Variants in CNTNAP2 observed in about 807,000 individuals in gnomAD.
CNTNAP2 encodes the protein contactin associated protein 2, also known as contactin-associated protein-like 2.
CNTNAP2 carries 98 observed loss-of-function variants against 155.2 expected under a neutral mutation model. The observed-to-expected ratio is 0.63, with a 90% confidence interval of 0.54 to 0.75. The LOEUF is 0.75. Among genes scored for constraint, CNTNAP2 ranks in the 30% least tolerant of loss-of-function variants. CNTNAP2 has a pLI of 0.00. For missense variants in CNTNAP2, 1,727 were observed against 1,688.1 expected (o/e 1.02, Z -0.40); for synonymous variants, 651 against 631.2 (o/e 1.03, Z -0.47).
rs112808877 is a variant in CNTNAP2, at chr7:147,504,688, T to TA, written c.1777+18660dup. Among the ~76,000 whole-genome samples the TA allele has an allele frequency of 2.5e-3, 265 of 104,734 alleles. 1 individual carries two copies. Among genetic ancestry groups the TA allele is most frequent in the Non-Finnish European group, 3.2e-3 (140 of 43,582 alleles). 68.7% of individuals were successfully genotyped at this position (104,734 alleles called of 152,430 possible). On this transcript the variant is annotated intron_variant, in intron 11 of 23. Coordinates refer to ENST00000361727, the MANE Select transcript of CNTNAP2 (RefSeq NM_014141.6). ...TGGGCGACAGAATGAGATTCTGTCT[T>TA]AAAAAAAAAAAAACAAAAAACCTCT... is the stretch of plus-strand genomic sequence containing the variant.
intron 3 of CNTNAP2, among the ~76,000 whole-genome samples, chr7:146,882,877 T>A (rs1001063016): frequency 6.6e-6 from 1 of 152,074 alleles, no homozygotes; most frequent in Admixed American, 6.6e-5. Context: ...AGCTGAAGAA[T>A]CTCCACAAGG....
At chr7:146,632,109 G>A (rs767056943) in intron 1 of CNTNAP2, among the ~76,000 whole-genome samples, 14 of 152,246 alleles carry the variant, frequency 9.2e-5, no homozygotes, top group South Asian at 4.1e-4. Flanking sequence ...GTCACTATGC[G>A]TCTGTATGCT....
At chr7:147,629,047 G>A (rs1461063999) in intron 12 of CNTNAP2, among the ~76,000 whole-genome samples, 2 of 151,924 alleles carry the variant, frequency 1.3e-5, no homozygotes, top group African/African-American at 2.4e-5. Flanking sequence ...AATAGTGGGG[G>A]GGCTTCAATA....
At chr7:146,156,612 AT>A (rs141066684) in intron 1 of CNTNAP2, among the ~76,000 whole-genome samples, 10 of 151,498 alleles carry the variant, frequency 6.6e-5, no homozygotes, top group East Asian at 3.9e-4. Context: ...GCTTTACAGC[AT>A]TTTTTTTTAA....
At chr7:147,289,404 T>C (rs975614207) in intron 8 of CNTNAP2, among the ~76,000 whole-genome samples, 7 of 132,124 alleles carry the variant, frequency 5.3e-5, no homozygotes, top group Admixed American at 4.5e-4. Context: ...AATCAAATAC[T>C]AAAAAAAAAA....
At chr7:148,180,088 A>T (rs1035974718) in intron 18 of CNTNAP2, among the ~76,000 whole-genome samples, 2 of 152,252 alleles carry the variant, frequency 1.3e-5, no homozygotes, top group African/African-American at 4.8e-5. Flanking sequence ...GGAAGTATGC[A>T]TCTTAGAATT....
chr7:147,006,640 C>T (rs1435518094), intron 3 of CNTNAP2, among the ~76,000 whole-genome samples: 1 of 152,018 alleles, frequency 6.6e-6, no homozygotes, highest in African/African-American at 2.4e-5. Context: ...TTTCTCTAAA[C>T]TAAATCTTTT....
At chr7:147,074,797 T>G (rs1227826330) in intron 4 of CNTNAP2, among the ~76,000 whole-genome samples, 1 of 152,180 alleles carries the variant, frequency 6.6e-6, no homozygotes, top group African/African-American at 2.4e-5. Context: ...ATGTTTCTAT[T>G]GAAAGTGAGA....
At chr7:147,742,031 A>T (rs113356902) in intron 13 of CNTNAP2, among the ~76,000 whole-genome samples, 4,792 of 152,196 alleles carry the variant, frequency 0.031, 241 homozygotes, top group African/African-American at 0.11. Context: ...GTGCAGGCAA[A>T]GAGAGGAGAG....
At chr7:146,296,843 T>C (rs915342339) in intron 1 of CNTNAP2, among the ~76,000 whole-genome samples, 6 of 152,090 alleles carry the variant, frequency 3.9e-5, no homozygotes, top group East Asian at 1.9e-4. Context: ...ATTATATATA[T>C]GTATGAAGAC....
At chr7:146,696,695 C>T (rs1800788178) in intron 1 of CNTNAP2, among the ~76,000 whole-genome samples, 1 of 152,092 alleles carries the variant, frequency 6.6e-6, no homozygotes, top group African/African-American at 2.4e-5. Flanking sequence ...TTTGTCGCAT[C>T]CCACACATTT....
chr7:147,764,136 G>A (rs534186296), intron 13 of CNTNAP2, among the ~76,000 whole-genome samples: 1 of 152,056 alleles, frequency 6.6e-6, no homozygotes, highest in Non-Finnish European at 1.5e-5. Flanking sequence ...TTTGCTATGG[G>A]TTATTTTCTT....
At chr7:146,400,564 T>G (rs1475086657) in intron 1 of CNTNAP2, among the ~76,000 whole-genome samples, 1 of 152,220 alleles carries the variant, frequency 6.6e-6, no homozygotes. Context: ...GAAAGGAGAT[T>G]TCTATTTTTG....
intron 8 of CNTNAP2, among the ~76,000 whole-genome samples, chr7:147,292,362 A>G (rs1805333829): frequency 6.6e-6 from 1 of 152,210 alleles, no homozygotes; most frequent in Non-Finnish European, 1.5e-5. Flanking sequence ...GAGTCTATTT[A>G]TGATCTTTCT....
intron 1 of CNTNAP2, among the ~76,000 whole-genome samples, chr7:146,456,721 G>A (rs1796560356): frequency 6.6e-6 from 1 of 152,094 alleles, no homozygotes; most frequent in Non-Finnish European, 1.5e-5. Flanking sequence ...TCAGCATCAG[G>A]CCTAAAAGAG....
chr7:148,232,492 C>T (rs1795981639), intron 20 of CNTNAP2, among the ~76,000 whole-genome samples: 1 of 152,126 alleles, frequency 6.6e-6, no homozygotes, highest in African/African-American at 2.4e-5. Context: ...TTTCTATTTC[C>T]CCATTTTCTA....
intron 15 of CNTNAP2, among the ~76,000 whole-genome samples, chr7:148,066,848 C>T (rs1803275792): frequency 6.6e-6 from 1 of 152,094 alleles, no homozygotes; most frequent in South Asian, 2.1e-4. Context: ...TCAAAAGCCT[C>T]GTCTTTGATC....
chr7:146,502,466 T>A, intron 1 of CNTNAP2, among the ~76,000 whole-genome samples: 1 of 151,974 alleles, frequency 6.6e-6, no homozygotes, highest in Non-Finnish European at 1.5e-5. Context: ...ATGTGCATAC[T>A]GTTTTCCATA....
At chr7:146,136,278 T>C (rs1447150195) in intron 1 of CNTNAP2, among the ~76,000 whole-genome samples, 2 of 152,186 alleles carry the variant, frequency 1.3e-5, no homozygotes, top group Non-Finnish European at 2.9e-5. Flanking sequence ...TGGCTGCCAA[T>C]AGTCTTGTTA....
Sources: gnomAD v4.1 joint callset for allele counts (sites outside exome capture counted in the v4.1 genomes callset) on GRCh38, gnomAD v4.1.1 for gene constraint, MANE v1.5 for transcripts, NCBI Gene and HGNC (gene_info 2026-07-23, HGNC 2026-07-21) for gene names.